CD9: variants seen among roughly 807,000 people sequenced by gnomAD.
CD9 encodes CD9 molecule.
In CD9, 10 loss-of-function variants were observed where a neutral mutation model predicts 31.4. The observed-to-expected ratio is 0.32, with a 90% CI of 0.20 to 0.54. CD9 has a LOEUF of 0.54. CD9 is among the 20% of genes least tolerant of loss of function. The probability of loss-of-function intolerance (pLI) is 0.94; values close to 1 mark genes in which losing one functional copy is unlikely to be tolerated. For missense variants in CD9, 259 were observed against 300.1 expected (o/e 0.86, Z 1.01); for synonymous variants, 113 against 114.1 (o/e 0.99, Z 0.06).
chr12:6,233,665 C>T (rs1020893609), intron 4 of CD9, among the ~76,000 whole-genome samples, 179 bp downstream of exon 4: 2 of 152,114 alleles, frequency 1.3e-5, no homozygotes, highest in South Asian at 2.1e-4. Flanking sequence ...AATGTCAGTG[C>T]GCTTACTGTC....
At chr12:6,226,402 A>G (rs753788408) in intron 2 of CD9, 2 of 152,226 alleles carry the variant, frequency 1.3e-5, no homozygotes, top group Non-Finnish European at 2.9e-5. Flanking sequence ...GAAACCTCCT[A>G]TTTTTAGGAT....
intron 1 of CD9, among the ~76,000 whole-genome samples, chr12:6,211,331 CAGAGGGGT>C (rs1362944044): frequency 1.3e-5 from 2 of 152,114 alleles, no homozygotes; most frequent in Admixed American, 1.3e-4. Context: ...GAGCTCCTGG[CAGAGGGGT>C]AGGGCAGGTT....
intron 1 of CD9, among the ~76,000 whole-genome samples, chr12:6,215,482 T>G (rs770151493): frequency 6.6e-6 from 1 of 152,204 alleles, no homozygotes; most frequent in African/African-American, 2.4e-5. Context: ...CGAATTTGCA[T>G]GTCCAGGTTC....
chr12:6,233,363 G>A (rs1316992331), intron 3 of CD9, 49 bp from the exon 4 acceptor site: 2 of 1,380,944 alleles, frequency 1.4e-6, no homozygotes, highest in African/African-American at 2.9e-5. Flanking sequence ...TGATTTTCCT[G>A]GCTGGTTGGC....
chr12:6,223,073 G>T (rs1946313135), intron 1 of CD9, among the ~76,000 whole-genome samples: 1 of 152,182 alleles, frequency 6.6e-6, no homozygotes, highest in Non-Finnish European at 1.5e-5. Context: ...ACAAGACCAG[G>T]GCGAGAGGGA....
At chr12:6,223,687 ACT>A (rs1333316950) in intron 1 of CD9, among the ~76,000 whole-genome samples, 13 of 150,968 alleles carry the variant, frequency 8.6e-5, no homozygotes, top group African/African-American at 3.2e-4. Context: ...AAGCCACATA[ACT>A]CTTCTAGCCC....
In CD9 at chr12:6,235,466, C is replaced by T; in HGVS notation, c.448-10C>T. The T allele has an allele frequency of 6.2e-7, 1 of 1,613,878 alleles. No individual in the cohort carries two copies. Reference sequence around the variant, plus strand: ...TTTCTCTCATCCCCATCCCTGCCTTCTCGCTGTAGTTGAACTGCTGTGGTT... The same window carrying T: ...TTTCTCTCATCCCCATCCCTGCCTTTTCGCTGTAGTTGAACTGCTGTGGTT... On this transcript the variant is annotated splice_polypyrimidine_tract_variant and intron_variant, in intron 5 of 7. Coordinates refer to ENST00000009180, the MANE Select transcript of CD9 (RefSeq NM_001769.4).
chr12:6,203,294 C>T (rs1392702860), intron 1 of CD9, among the ~76,000 whole-genome samples: 1 of 152,196 alleles, frequency 6.6e-6, no homozygotes, highest in Non-Finnish European at 1.5e-5. Flanking sequence ...GCTCCCAAGA[C>T]TCCCTTAAGG....
intron 1 of CD9, among the ~76,000 whole-genome samples, chr12:6,214,344 CTTTTTTT>C (rs71450123): frequency 1.2e-4 from 8 of 67,078 alleles, no homozygotes; most frequent in East Asian, 4.9e-4. Context: ...CCATTAGCCT[CTTTTTTT>C]TTTTTTTTTT....
chr12:6,223,038 ATC>A (rs1018345053), intron 1 of CD9, among the ~76,000 whole-genome samples: 1 of 152,220 alleles, frequency 6.6e-6, no homozygotes, highest in Admixed American at 6.5e-5. Context: ...CTGTCTCGCT[ATC>A]TCCCTATGCG....
intron 1 of CD9, among the ~76,000 whole-genome samples, chr12:6,212,898 T>C (rs919586982): frequency 2.6e-5 from 4 of 152,034 alleles, no homozygotes; most frequent in African/African-American, 7.2e-5. Flanking sequence ...TGACATATAA[T>C]AGCAGGGGCC....
chr12:6,223,022 T>C (rs1052053142), intron 1 of CD9, among the ~76,000 whole-genome samples: 1 of 152,194 alleles, frequency 6.6e-6, no homozygotes, highest in African/African-American at 2.4e-5. Context: ...AGGACAGTAA[T>C]GAGCACTGTC....
At chr12:6,212,273 A>C (rs559378410) in intron 1 of CD9, among the ~76,000 whole-genome samples, 2 of 152,138 alleles carry the variant, frequency 1.3e-5, no homozygotes, top group Non-Finnish European at 2.9e-5. Flanking sequence ...CTGTTTCTTC[A>C]TCTCTCACAG....
chr12:6,236,147 G>A (rs1346789807), intron 6 of CD9, 45 bp from the exon 7 acceptor site: 1 of 1,610,226 alleles, frequency 6.2e-7, no homozygotes, highest in Non-Finnish European at 8.5e-7. Context: ...GGTGCCCTGG[G>A]AGGAAGGATT....
intron 7 of CD9, chr12:6,236,867 C>G (rs1444975667): frequency 4.8e-6 from 1 of 207,518 alleles, no homozygotes; most frequent in African/African-American, 2.3e-5. Flanking sequence ...CCAGACTGCC[C>G]CCAAAGAGAG....
intron 1 of CD9, among the ~76,000 whole-genome samples, chr12:6,219,115 C>T (rs1435419095): frequency 6.6e-6 from 1 of 152,042 alleles, no homozygotes; most frequent in African/African-American, 2.4e-5. Context: ...AAGTGATTCT[C>T]CTGCCTCAGC....
chr12:6,215,533 T>C (rs1946235359), intron 1 of CD9, among the ~76,000 whole-genome samples: 1 of 152,220 alleles, frequency 6.6e-6, no homozygotes, highest in Non-Finnish European at 1.5e-5. Context: ...TTTCGAGAGC[T>C]GCTGGACTGG....
chr12:6,222,013 G>A (rs1308984308), intron 1 of CD9, among the ~76,000 whole-genome samples: 1 of 152,000 alleles, frequency 6.6e-6, no homozygotes, highest in East Asian at 1.9e-4. Context: ...AAAGCAGCTG[G>A]GGTGAAAGCC....
intron 1 of CD9, among the ~76,000 whole-genome samples, chr12:6,204,518 T>C (rs11568201): frequency 0.027 from 4,149 of 152,294 alleles, 202 homozygotes; most frequent in African/African-American, 0.093. Context: ...TCTTTGCTGT[T>C]GCTTCTCAGT....
Sources: gnomAD v4.1 joint callset for allele counts (sites outside exome capture counted in the v4.1 genomes callset) on GRCh38, gnomAD v4.1.1 for gene constraint, MANE v1.5 for transcripts, NCBI Gene and HGNC (gene_info 2026-07-23, HGNC 2026-07-21) for gene names.